NRXN3: variants seen among roughly 807,000 people sequenced by gnomAD.
NRXN3 encodes neurexin III.
NRXN3 carries 32 observed loss-of-function variants against 137.6 expected under a neutral mutation model. That is an observed-to-expected ratio of 0.23 (90% CI 0.18 to 0.31). The LOEUF is 0.31. NRXN3 is among the 10% of genes least tolerant of loss of function. The pLI, the probability that NRXN3 is intolerant of heterozygous loss-of-function variation, is 1.00. For synonymous variants in NRXN3, 798 were observed against 784.5 expected (o/e 1.02, Z -0.29); for missense variants, 1,574 against 2,062.5 (o/e 0.76, Z 4.59).
chr14:79,628,147 G>A (rs1011140644), intron 16 of NRXN3, among the ~76,000 whole-genome samples: 4 of 152,052 alleles, frequency 2.6e-5, no homozygotes, highest in Non-Finnish European at 5.9e-5. Context: ...CCTCATAAGA[G>A]GACAGTTTAG....
At chr14:78,454,630 G>C (rs1718124476) in intron 4 of NRXN3, among the ~76,000 whole-genome samples, 1 of 152,204 alleles carries the variant, frequency 6.6e-6, no homozygotes, top group African/African-American at 2.4e-5. Context: ...AGAATAGACA[G>C]TCAATAAATA....
chr14:79,137,461 A>G (rs1596371761), intron 15 of NRXN3, among the ~76,000 whole-genome samples: 1 of 240 alleles, frequency 4.2e-3, no homozygotes, highest in South Asian at 0.1. Context: ...TGAGACATAA[A>G]CAATGTCTAG....
chr14:78,825,770 A>C (rs1022324442), intron 10 of NRXN3, among the ~76,000 whole-genome samples: 1 of 152,244 alleles, frequency 6.6e-6, no homozygotes, highest in Non-Finnish European at 1.5e-5. Flanking sequence ...TGTACCCAAG[A>C]TAATTTCTAG....
chr14:79,281,063 A>C (rs2081204035), intron 15 of NRXN3, among the ~76,000 whole-genome samples: 1 of 152,186 alleles, frequency 6.6e-6, no homozygotes, highest in African/African-American at 2.4e-5. Context: ...GAACATAAGA[A>C]GGCAGAAAAT....
intron 10 of NRXN3, among the ~76,000 whole-genome samples, chr14:78,948,693 T>C (rs1310317023): frequency 1.4e-4 from 21 of 149,710 alleles, no homozygotes; most frequent in Admixed American, 1.2e-3. Flanking sequence ...TGTACCCTGG[T>C]CTTACAAATA....
intron 16 of NRXN3, among the ~76,000 whole-genome samples, chr14:79,640,781 G>A (rs986844613): frequency 7.4e-6 from 1 of 135,254 alleles, no homozygotes; most frequent in Non-Finnish European, 1.7e-5. Flanking sequence ...GTGAGGCTGA[G>A]TACAAACAGC....
intron 15 of NRXN3, among the ~76,000 whole-genome samples, chr14:79,376,210 GTATGTATATATATA>G (rs1449067519): frequency 2.6e-3 from 105 of 40,790 alleles, no homozygotes; most frequent in Middle Eastern, 0.019. Context: ...GTGTGTGTGT[GTATGTATATATATA>G]TATATATATA....
chr14:79,257,376 G>GAA (rs2076742380), intron 15 of NRXN3, among the ~76,000 whole-genome samples: 2 of 103,344 alleles, frequency 1.9e-5, no homozygotes, highest in African/African-American at 3.8e-5. Context: ...GGTGGTGGTG[G>GAA]TGGTGGTGGT....
intron 2 of NRXN3, among the ~76,000 whole-genome samples, chr14:78,277,839 A>G (rs1418442428): frequency 6.6e-6 from 1 of 152,216 alleles, no homozygotes; most frequent in Admixed American, 6.5e-5. Flanking sequence ...ATTTTCTGAA[A>G]GTTCATTGGC....
intron 4 of NRXN3, among the ~76,000 whole-genome samples, chr14:78,444,506 T>C (rs2094355318): frequency 1.3e-5 from 2 of 152,296 alleles, no homozygotes; most frequent in African/African-American, 4.8e-5. Flanking sequence ...GCTTGTTTCC[T>C]CCCAGTCATT....
intron 16 of NRXN3, among the ~76,000 whole-genome samples, chr14:79,512,906 T>G (rs572667627): frequency 6.6e-6 from 1 of 152,338 alleles, no homozygotes; most frequent in African/African-American, 2.4e-5. Flanking sequence ...AGAGAATATT[T>G]ATTGACTTAG....
intron 16 of NRXN3, among the ~76,000 whole-genome samples, chr14:79,498,424 C>T (rs1247123274): frequency 1.3e-5 from 2 of 152,106 alleles, no homozygotes; most frequent in African/African-American, 2.4e-5. Context: ...TGAGACTGCC[C>T]GTGTGAAGAG....
chr14:78,245,009 TACTC>T (rs1303813886), intron 2 of NRXN3, among the ~76,000 whole-genome samples: 4 of 152,224 alleles, frequency 2.6e-5, no homozygotes, highest in Non-Finnish European at 5.9e-5. Flanking sequence ...TTCCTGGACT[TACTC>T]ACGGCTTAGA....
At chr14:78,915,765 G>A (rs545377845) in intron 10 of NRXN3, among the ~76,000 whole-genome samples, 2 of 152,162 alleles carry the variant, frequency 1.3e-5, no homozygotes, top group South Asian at 4.1e-4. Flanking sequence ...AAGATACAGA[G>A]GGGTAAAATT....
intron 15 of NRXN3, among the ~76,000 whole-genome samples, chr14:79,211,936 C>T (rs1044575751): frequency 3.3e-5 from 5 of 152,248 alleles, no homozygotes; most frequent in Non-Finnish European, 7.4e-5. Context: ...AATTAAAACA[C>T]TTGAGGCTGG....
chr14:78,789,319 C>G lies in NRXN3; in HGVS notation c.2045-14301C>G, dbSNP rs552530686. On this transcript the variant is annotated intron_variant, in intron 8 of 20. Transcript: ENST00000335750. Reference sequence around the variant, plus strand: ...ATTTTACCATTTCTTTCCATATGCTCTAGTTAAGGGGTTCTCAACTGGGGG... The same window carrying G: ...ATTTTACCATTTCTTTCCATATGCTGTAGTTAAGGGGTTCTCAACTGGGGG... Among the ~76,000 whole-genome samples, 6 of 152,246 alleles carry G rather than the reference C, an allele frequency of 3.9e-5. No homozygotes were observed. In the South Asian group the frequency reaches 1.0e-3, roughly 26 times the overall value.
intron 16 of NRXN3, among the ~76,000 whole-genome samples, chr14:79,486,670 GGATGATGA>G (rs2096658301): frequency 1.3e-5 from 2 of 152,172 alleles, no homozygotes; most frequent in Non-Finnish European, 2.9e-5. Flanking sequence ...TTACAGAGTT[GGATGATGA>G]GAAAGCTGGG....
At chr14:79,435,916 G>C (rs1045855110) in intron 15 of NRXN3, among the ~76,000 whole-genome samples, 1 of 151,988 alleles carries the variant, frequency 6.6e-6, no homozygotes, top group Non-Finnish European at 1.5e-5. Context: ...TTACAGGCAC[G>C]AACCACCACA....
chr14:78,183,597 A>G (rs1380643873), intron 1 of NRXN3, among the ~76,000 whole-genome samples: 1 of 152,218 alleles, frequency 6.6e-6, no homozygotes, highest in Non-Finnish European at 1.5e-5. Flanking sequence ...TTTCATATCC[A>G]TTCCCAGTCC....
Sources: gnomAD v4.1 joint callset for allele counts (sites outside exome capture counted in the v4.1 genomes callset) on GRCh38, gnomAD v4.1.1 for gene constraint, MANE v1.5 for transcripts, NCBI Gene and HGNC (gene_info 2026-07-23, HGNC 2026-07-21) for gene names.